The following FMN1 variants were observed in gnomAD, a reference collection of about 807,000 sequenced individuals.
The protein encoded by FMN1 is formin 1, also known as formin-1.
Under a neutral mutation model 132.4 loss-of-function variants are expected in FMN1, and 110 were observed. That is an observed-to-expected ratio of 0.83 (90% CI 0.71 to 0.97). The LOEUF (loss-of-function observed/expected upper bound fraction) is 0.97, where lower values mean the gene tolerates loss of function less well. Among genes scored for constraint, FMN1 ranks in the 50% least tolerant of loss-of-function variants. The pLI, the probability that FMN1 is intolerant of heterozygous loss-of-function variation, is 0.00. For missense variants in FMN1, 1,792 were observed against 1,705.3 expected (o/e 1.05, Z -0.90); for synonymous variants, 722 against 651.7 (o/e 1.11, Z -1.64).
At chr15:33,095,213 T>TG (rs1268238403) in intron 4 of FMN1, among the ~76,000 whole-genome samples, 1 of 151,926 alleles carries the variant, frequency 6.6e-6, no homozygotes. Flanking sequence ...CTGGGTGTGG[T>TG]GGGTGGTGCC....
At chr15:32,848,238 T>A (rs77045440) in intron 17 of FMN1, among the ~76,000 whole-genome samples, 6,175 of 152,222 alleles carry the variant, frequency 0.041, 418 homozygotes, top group African/African-American at 0.13. Flanking sequence ...GTGTGACGCC[T>A]GAAACTGAAG....
chr15:33,126,817 C>T lies in FMN1; in HGVS notation c.1867+26231G>A, dbSNP rs532958246. 2.0e-5 allele frequency among the ~76,000 whole-genome samples: 3 copies of T among 152,256 alleles called. No homozygotes were observed. In the South Asian group the frequency reaches 6.2e-4, roughly 32 times the overall value. On this transcript the variant is annotated intron_variant, in intron 4 of 20. Transcript: ENST00000616417. ...CATGAAACCCGAACTCTTTTCGATC[C>T]GCCTTCCTGGCGAGTCTTCTGGCTC...
At chr15:33,158,017 GA>G (rs1964745820) in intron 3 of FMN1, among the ~76,000 whole-genome samples, 1 of 147,660 alleles carries the variant, frequency 6.8e-6, no homozygotes, top group Non-Finnish European at 1.5e-5. Flanking sequence ...AAAAGAAAAA[GA>G]AAGAAACAAA....
At chr15:33,110,299 A>C (rs1450794149) in intron 4 of FMN1, among the ~76,000 whole-genome samples, 1 of 152,102 alleles carries the variant, frequency 6.6e-6, no homozygotes, top group African/African-American at 2.4e-5. Flanking sequence ...CAATAACTGA[A>C]ACAATATTTA....
intron 6 of FMN1, among the ~76,000 whole-genome samples, chr15:33,019,019 T>G (rs1044237323): frequency 8.5e-5 from 13 of 152,158 alleles, no homozygotes; most frequent in African/African-American, 3.1e-4. Flanking sequence ...GAACAAAGCT[T>G]CCACCATGCG....
At chr15:32,929,378 G>A (rs1366833614) in intron 9 of FMN1, among the ~76,000 whole-genome samples, 4 of 152,110 alleles carry the variant, frequency 2.6e-5, no homozygotes, top group Non-Finnish European at 5.9e-5. Flanking sequence ...TAGTCTCTTC[G>A]TCTTTTTTTT....
intron 2 of FMN1, among the ~76,000 whole-genome samples, chr15:33,190,234 C>G (rs530928078): frequency 4.3e-4 from 66 of 152,270 alleles, no homozygotes; most frequent in Middle Eastern, 3.4e-3. Flanking sequence ...ATTATCTTCT[C>G]TACTGAGAAG....
chr15:33,076,070 T>C (rs924368946), intron 5 of FMN1, among the ~76,000 whole-genome samples: 3 of 151,928 alleles, frequency 2.0e-5, no homozygotes, highest in African/African-American at 7.3e-5. Flanking sequence ...TAAAATAATG[T>C]AAAAGGGGAG....
At chr15:33,084,797 G>A (rs1454547015) in intron 5 of FMN1, among the ~76,000 whole-genome samples, 1 of 152,158 alleles carries the variant, frequency 6.6e-6, no homozygotes, top group Admixed American at 6.5e-5. Context: ...AGGGGACTTA[G>A]TAACAGCTGT....
At chr15:32,894,795 A>C (rs530466325) in intron 15 of FMN1, among the ~76,000 whole-genome samples, 1 of 151,534 alleles carries the variant, frequency 6.6e-6, no homozygotes, top group Admixed American at 6.6e-5. Flanking sequence ...AAAAAAAAAA[A>C]CGCTTACAAT....
At chr15:32,920,149 CAAG>C (rs1266694390) in intron 10 of FMN1, among the ~76,000 whole-genome samples, 8 of 152,050 alleles carry the variant, frequency 5.3e-5, no homozygotes, top group African/African-American at 9.7e-5. Flanking sequence ...ACGTTTATAT[CAAG>C]AATAGTCAAC....
chr15:33,036,020 G>C lies in FMN1; in HGVS notation c.2162-27945C>G, dbSNP rs565448070. On this transcript the variant is annotated intron_variant, in intron 6 of 20. Coordinates refer to ENST00000616417, the MANE Select transcript of FMN1 (RefSeq NM_001277313.2). The stretch of plus-strand genomic sequence containing the variant: ...CTTCACCATACCCCACACCACCTCG[G>C]GACTCCTCAGCAAGAAGGCTCTTAC... 3.3e-5 allele frequency among the ~76,000 whole-genome samples: 5 copies of C among 152,038 alleles called. No individual in the cohort carries two copies. In the East Asian group the frequency reaches 5.8e-4, roughly 18 times the overall value.
chr15:33,168,453 C>T (rs1391983889), intron 3 of FMN1, among the ~76,000 whole-genome samples: 1 of 152,144 alleles, frequency 6.6e-6, no homozygotes, highest in East Asian at 1.9e-4. Context: ...TTAGGAATTC[C>T]TCTTTGTCCT....
chr15:33,043,834 G>C (rs2036554364), intron 6 of FMN1, among the ~76,000 whole-genome samples: 2 of 152,210 alleles, frequency 1.3e-5, no homozygotes, highest in Non-Finnish European at 2.9e-5. Flanking sequence ...CATGGCTGTG[G>C]AACCAGGCAT....
At chr15:33,028,022 T>C (rs1335935064) in intron 6 of FMN1, among the ~76,000 whole-genome samples, 1 of 152,222 alleles carries the variant, frequency 6.6e-6, no homozygotes, top group Non-Finnish European at 1.5e-5. Context: ...TCAAAATTTC[T>C]CCATGAGCCA....
At position 33,153,822 on chromosome 15, in the gene FMN1, C is replaced by T. The variant is rs1364959367; in HGVS notation, c.1093G>A (p.Val365Ile). 3.9e-6 allele frequency: 6 copies of T among 1,536,360 alleles called. No individual in the cohort carries two copies. Among genetic ancestry groups the T allele is most frequent in the Non-Finnish European group, 5.2e-6 (6 of 1,147,000 alleles). ...AGGGTGAGCAAGTCGGCTTTGGGTA[C>T]AAACTCAGCGTGGGCTGCTGGGCGA... Reference protein sequence around the residue: ...AIRPAAHAEFVPKADLLTLPG... With the variant: ...AIRPAAHAEFIPKADLLTLPG... Residue 365 changes from valine to isoleucine, a missense_variant, in exon 4 of 21, where the codon GTA (valine) becomes ATA (isoleucine). Around this residue, in one of 3 missense-constraint regions of FMN1, gnomAD observed 638 missense variants for 645.2 expected, o/e 0.99. Coordinates refer to ENST00000616417, the MANE Select transcript of FMN1 (RefSeq NM_001277313.2).
intron 4 of FMN1, chr15:33,151,085 G>A: frequency 1.7e-5 from 23 of 1,329,040 alleles, no homozygotes; most frequent in Non-Finnish European, 2.1e-5. Flanking sequence ...CACAGCGACA[G>A]GAAAGGGAAA....
intron 17 of FMN1, among the ~76,000 whole-genome samples, chr15:32,808,863 G>A (rs1390481927): frequency 6.7e-6 from 1 of 150,276 alleles, no homozygotes; most frequent in Non-Finnish European, 1.5e-5. Flanking sequence ...CAGTAGACAA[G>A]AATTTTGGTT....
At chr15:32,800,907 A>T (rs566016841) in intron 18 of FMN1, among the ~76,000 whole-genome samples, 12 of 152,198 alleles carry the variant, frequency 7.9e-5, no homozygotes, top group African/African-American at 2.9e-4. Flanking sequence ...GCATGTGATT[A>T]TTTTTTCTCT....
Sources: allele counts gnomAD v4.1 joint callset (sites outside exome capture counted in the v4.1 genomes callset), GRCh38; gene constraint gnomAD v4.1.1; regional missense constraint gnomAD v4.1.1; transcripts MANE v1.5; gene names NCBI Gene and HGNC (gene_info 2026-07-23, HGNC 2026-07-21).